SLC9A9: variants seen among roughly 807,000 people sequenced by gnomAD.
SLC9A9 encodes the protein sodium/hydrogen exchanger 9.
In SLC9A9, 62 loss-of-function variants were observed where a neutral mutation model predicts 77.8. The observed-to-expected ratio is 0.80, with a 90% CI of 0.65 to 0.98. The LOEUF is 0.98. Ranked by LOEUF, SLC9A9 falls within the 50% of genes least tolerant of loss-of-function variation. The pLI is 0.00. For missense variants in SLC9A9, 775 were observed against 774.9 expected (o/e 1.00, Z 0.00); for synonymous variants, 320 against 283.5 (o/e 1.13, Z -1.29).
intron 14 of SLC9A9, chr3:143,346,938 A>G (rs1426376031): frequency 6.6e-6 from 1 of 152,254 alleles, no homozygotes; most frequent in African/African-American, 2.4e-5. Flanking sequence ...AATTTTATCA[A>G]ATAATAAATA....
intron 14 of SLC9A9, among the ~76,000 whole-genome samples, chr3:143,338,793 C>T (rs2032004955): frequency 6.6e-6 from 1 of 152,028 alleles, no homozygotes; most frequent in Non-Finnish European, 1.5e-5. Flanking sequence ...GACACATTCT[C>T]CCATTTTAAA....
intron 4 of SLC9A9, among the ~76,000 whole-genome samples, chr3:143,765,002 T>TTCCTTCCTTCCTTCCTTC (rs1180532419): frequency 1.8e-4 from 24 of 135,994 alleles, no homozygotes; most frequent in Admixed American, 8.4e-4. Flanking sequence ...TTCCTTCCTT[T>TTCCTTCCTTCCTTCCTTC]CTTTCTTTCT....
At chr3:143,714,510 G>C (rs1022705299) in intron 4 of SLC9A9, among the ~76,000 whole-genome samples, 16 of 152,176 alleles carry the variant, frequency 1.1e-4, no homozygotes, top group African/African-American at 3.6e-4. Flanking sequence ...TGTTGAAACA[G>C]TCTCCCTGTA....
intron 4 of SLC9A9, among the ~76,000 whole-genome samples, chr3:143,785,521 G>A (rs535842182): frequency 1.3e-5 from 2 of 152,322 alleles, no homozygotes; most frequent in African/African-American, 4.8e-5. Flanking sequence ...GAGAACCACA[G>A]AACTGCCCAG....
At chr3:143,807,170 A>G (rs1294422658) in intron 2 of SLC9A9, among the ~76,000 whole-genome samples, 1 of 152,216 alleles carries the variant, frequency 6.6e-6, no homozygotes, top group Admixed American at 6.5e-5. Context: ...TAGGCTGGGC[A>G]CAGTGGCTCA....
At chr3:143,470,981 C>G (rs1392488851) in intron 11 of SLC9A9, among the ~76,000 whole-genome samples, 1 of 151,990 alleles carries the variant, frequency 6.6e-6, no homozygotes, top group Non-Finnish European at 1.5e-5. Flanking sequence ...ATTTCAGAAA[C>G]AAATGGAAAA....
At chr3:143,735,485 A>G (rs966354033) in intron 4 of SLC9A9, among the ~76,000 whole-genome samples, 1 of 152,210 alleles carries the variant, frequency 6.6e-6, no homozygotes, top group African/African-American at 2.4e-5. Context: ...GGTCTGCCCA[A>G]CAAAGCCCAG....
intron 12 of SLC9A9, among the ~76,000 whole-genome samples, chr3:143,445,522 G>A (rs969324405): frequency 1.3e-5 from 2 of 152,126 alleles, no homozygotes; most frequent in African/African-American, 4.8e-5. Flanking sequence ...GCTACGGATG[G>A]GACTGCTCCT....
At chr3:143,562,672 A>G (rs1392654539) in intron 8 of SLC9A9, among the ~76,000 whole-genome samples, 1 of 150,882 alleles carries the variant, frequency 6.6e-6, no homozygotes, top group Non-Finnish European at 1.5e-5. Flanking sequence ...CTCTGCTGGC[A>G]AAGTATTTCT....
intron 12 of SLC9A9, among the ~76,000 whole-genome samples, chr3:143,447,319 C>A (rs930952344): frequency 2.6e-5 from 4 of 152,088 alleles, no homozygotes; most frequent in Non-Finnish European, 5.9e-5. Context: ...GTGTTGAGAA[C>A]TGGAAGCAAA....
At chr3:143,593,095 T>G (rs1055175651) in intron 6 of SLC9A9, among the ~76,000 whole-genome samples, 3 of 152,176 alleles carry the variant, frequency 2.0e-5, no homozygotes, top group Non-Finnish European at 2.9e-5. Flanking sequence ...CATATGCCTT[T>G]GTCTAAGATG....
At chr3:143,800,633 C>A (rs62268876) in intron 2 of SLC9A9, among the ~76,000 whole-genome samples, 1 of 152,188 alleles carries the variant, frequency 6.6e-6, no homozygotes, top group South Asian at 2.1e-4. Context: ...AGCAGTTTAC[C>A]TGGGCTGTGC....
intron 4 of SLC9A9, among the ~76,000 whole-genome samples, chr3:143,708,199 T>C (rs1443263088): frequency 6.6e-6 from 1 of 152,194 alleles, no homozygotes; most frequent in Non-Finnish European, 1.5e-5. Flanking sequence ...ATCCTGATTG[T>C]GTGTCTATCA....
intron 6 of SLC9A9, among the ~76,000 whole-genome samples, chr3:143,649,392 A>T (rs2038760877): frequency 6.6e-6 from 1 of 152,212 alleles, no homozygotes; most frequent in Admixed American, 6.5e-5. Context: ...AAATAAAGTT[A>T]TTTGCATTTT....
chr3:143,391,678 CT>C (rs2033570123), intron 12 of SLC9A9, among the ~76,000 whole-genome samples: 1 of 152,120 alleles, frequency 6.6e-6, no homozygotes, highest in Non-Finnish European at 1.5e-5. Context: ...GTTTGACCCC[CT>C]GGCAAAGAAG....
At chr3:143,781,638 T>C (rs2007885246) in intron 4 of SLC9A9, among the ~76,000 whole-genome samples, 1 of 152,198 alleles carries the variant, frequency 6.6e-6, no homozygotes. Flanking sequence ...CTTACATTTT[T>C]AGAGGAAACA....
At chr3:143,736,993 C>G (rs932861508) in intron 4 of SLC9A9, among the ~76,000 whole-genome samples, 1 of 152,118 alleles carries the variant, frequency 6.6e-6, no homozygotes, top group African/African-American at 2.4e-5. Flanking sequence ...TTTTAATACA[C>G]TAAGTAGAGC....
rs1364634831 is a variant in SLC9A9 at position 143,753,176 on chromosome 3, T to A, written c.533+41825A>T. 3.3e-5 allele frequency among the ~76,000 whole-genome samples: 5 copies of A among 152,212 alleles called. No homozygotes were observed. The East Asian group carries it at 9.6e-4, about 29-fold the overall frequency. On this transcript the variant is annotated intron_variant, in intron 4 of 15. Coordinates refer to ENST00000316549, the MANE Select transcript of SLC9A9 (RefSeq NM_173653.4). ...TTGCTCTGCTTTTAGAAAGCTCACA[T>A]CTGCCTCCAGGCTGTAGCTCTGCCT...
intron 6 of SLC9A9, among the ~76,000 whole-genome samples, chr3:143,625,813 T>C (rs1157930721): frequency 2.0e-5 from 3 of 152,208 alleles, no homozygotes; most frequent in Admixed American, 6.5e-5. Flanking sequence ...GAAACTACCA[T>C]CAGAGTGAAC....
Sources: gnomAD v4.1 joint callset for allele counts (sites outside exome capture counted in the v4.1 genomes callset) on GRCh38, gnomAD v4.1.1 for gene constraint, MANE v1.5 for transcripts, NCBI Gene and HGNC (gene_info 2026-07-23, HGNC 2026-07-21) for gene names.